NRXN3: variants seen among roughly 807,000 people sequenced by gnomAD.
NRXN3 encodes neurexin III.
A neutral mutation model predicts 137.6 loss-of-function variants in NRXN3; 32 were observed. That is an observed-to-expected ratio of 0.23 (90% CI 0.18 to 0.31). The LOEUF (loss-of-function observed/expected upper bound fraction) is 0.31, where lower values mean the gene tolerates loss of function less well. Ranked by LOEUF, NRXN3 falls within the 10% of genes least tolerant of loss-of-function variation. The pLI is 1.00. For missense variants in NRXN3, 1,574 were observed against 2,062.5 expected (o/e 0.76, Z 4.59); for synonymous variants, 798 against 784.5 (o/e 1.02, Z -0.29).
At chr14:78,733,501 G>A in intron 8 of NRXN3, among the ~76,000 whole-genome samples, 1 of 152,154 alleles carries the variant, frequency 6.6e-6, no homozygotes, top group East Asian at 1.9e-4. Context: ...CTAATGTCAA[G>A]GAATCAGTGA....
chr14:79,824,463 A>G (rs2099285604), intron 20 of NRXN3, among the ~76,000 whole-genome samples: 2 of 152,020 alleles, frequency 1.3e-5, no homozygotes, highest in South Asian at 4.1e-4. Flanking sequence ...GAGATCTTTC[A>G]GCAGATGTTG....
At position 79,386,233 on chromosome 14, in the gene NRXN3, G is replaced by A. The variant is rs140338203; in HGVS notation, c.3263-80988G>A. 6.4e-3 allele frequency among the ~76,000 whole-genome samples: 980 copies of A among 152,208 alleles called. 7 individuals carry two copies. Among genetic ancestry groups the A allele is most frequent in the Non-Finnish European group, 9.9e-3 (676 of 68,032 alleles). On this transcript the variant is annotated intron_variant, in intron 15 of 20. Coordinates refer to ENST00000335750, the MANE Select transcript of NRXN3 (RefSeq NM_001330195.2). ...TCATCTCAGCCCAAAATCTCCTTAC[G>A]CTGAGAGGCAACTTCAGCAAAGTCT...
At chr14:78,515,588 T>C (rs1343238098) in intron 4 of NRXN3, among the ~76,000 whole-genome samples, 1 of 152,094 alleles carries the variant, frequency 6.6e-6, no homozygotes, top group Non-Finnish European at 1.5e-5. Flanking sequence ...CCTTTTGCCT[T>C]ATACAACCTG....
chr14:78,438,534 G>C (rs1274181702), intron 4 of NRXN3, among the ~76,000 whole-genome samples: 1 of 151,582 alleles, frequency 6.6e-6, no homozygotes, highest in Non-Finnish European at 1.5e-5. Context: ...TCTAATAACT[G>C]CCCAATCACA....
At chr14:79,076,632 A>G (rs2046021723) in intron 15 of NRXN3, among the ~76,000 whole-genome samples, 1 of 152,178 alleles carries the variant, frequency 6.6e-6, no homozygotes, top group South Asian at 2.1e-4. Flanking sequence ...CTTGAAAGTG[A>G]CATCCTGTCA....
intron 1 of NRXN3, among the ~76,000 whole-genome samples, chr14:78,172,278 G>A (rs2058795987): frequency 6.6e-6 from 1 of 152,136 alleles, no homozygotes; most frequent in Non-Finnish European, 1.5e-5. Context: ...AGGTTAGTCT[G>A]GGGAGGCTGG....
chr14:79,687,496 C>CT (rs1451627911), intron 17 of NRXN3, among the ~76,000 whole-genome samples: 1 of 152,192 alleles, frequency 6.6e-6, no homozygotes, highest in Admixed American at 6.5e-5. Context: ...TTGCCTCTGA[C>CT]TTTAATACAT....
At chr14:79,114,412 G>A (rs181589985) in intron 15 of NRXN3, among the ~76,000 whole-genome samples, 2 of 152,220 alleles carry the variant, frequency 1.3e-5, no homozygotes, top group Admixed American at 1.3e-4. Flanking sequence ...CTAGGCTAGA[G>A]TGCAGTAGCA....
At position 78,645,275 on chromosome 14, in the gene NRXN3, T is replaced by C; in HGVS notation, c.913T>C (p.Tyr305His). The change falls in exon 5 of 21, where the codon TAT becomes CAT. Residue 305 changes from tyrosine to histidine, a missense_variant. By Grantham distance (83) the Tyr-to-His change is moderately conservative. Coordinates refer to ENST00000335750, the MANE Select transcript of NRXN3 (RefSeq NM_001330195.2). ...CCTGCACACGGGCAAGTCGGCTGAC[T>C]ATGTCAACCTGGCTCTGAAGGATGG... ...LILHTGKSAD[Y>H]VNLALKDGAV... The C allele has an allele frequency of 1.3e-6, 2 of 1,598,924 alleles. No individual in the cohort carries two copies. Among genetic ancestry groups the C allele is most frequent in the Non-Finnish European group, 1.7e-6 (2 of 1,179,810 alleles).
At chr14:78,978,853 C>G (rs1196344639) in intron 14 of NRXN3, among the ~76,000 whole-genome samples, 4 of 151,034 alleles carry the variant, frequency 2.6e-5, no homozygotes, top group Non-Finnish European at 5.9e-5. Flanking sequence ...ACTCCACAGT[C>G]CGCTGTCTGT....
At chr14:79,849,343 G>A (rs1487767223) in intron 20 of NRXN3, among the ~76,000 whole-genome samples, 2 of 152,072 alleles carry the variant, frequency 1.3e-5, no homozygotes, top group Non-Finnish European at 2.9e-5. Flanking sequence ...AAACATATTT[G>A]CAAACCATAT....
chr14:78,459,864 T>C (rs2094869874), intron 4 of NRXN3, among the ~76,000 whole-genome samples: 1 of 152,182 alleles, frequency 6.6e-6, no homozygotes. Flanking sequence ...AATCAGATTC[T>C]GACACTGTCT....
chr14:79,257,563 T>TGGTGGTGGTGGTGGTGGTGATGGTGGC (rs1568820430), intron 15 of NRXN3, among the ~76,000 whole-genome samples: 1 of 124,770 alleles, frequency 8.0e-6, no homozygotes, highest in African/African-American at 3.5e-5. Context: ...GTGGTGATGG[T>TGGTGGTGGTGGTGGTGGTGATGGTGGC]GGTGGTGGTG....
chr14:78,760,328 C>A (rs1039195274), intron 8 of NRXN3, among the ~76,000 whole-genome samples: 1 of 151,098 alleles, frequency 6.6e-6, no homozygotes, highest in African/African-American at 2.4e-5. Flanking sequence ...AGGTGTAAGC[C>A]ACTGCGCCCC....
chr14:78,478,914 CT>C (rs1291325758), intron 4 of NRXN3, among the ~76,000 whole-genome samples: 2 of 152,164 alleles, frequency 1.3e-5, no homozygotes, highest in African/African-American at 4.8e-5. Context: ...AGATGTGTCT[CT>C]TTTTTTTCCA....
chr14:78,649,584 T>C (rs2097720313), intron 5 of NRXN3, among the ~76,000 whole-genome samples: 1 of 148,450 alleles, frequency 6.7e-6, no homozygotes, highest in African/African-American at 2.5e-5. Flanking sequence ...TTTTTTTAAA[T>C]CTCTATTTGG....
At chr14:78,278,800 A>G in intron 3 of NRXN3, 138 bp downstream of exon 3, 3 of 708,568 alleles carry the variant, frequency 4.2e-6, no homozygotes, top group South Asian at 1.7e-5. Flanking sequence ...TTAGAAGAAG[A>G]AATGCATTGA....
intron 10 of NRXN3, among the ~76,000 whole-genome samples, chr14:78,882,735 T>A (rs2099132704): frequency 6.6e-6 from 1 of 151,534 alleles, no homozygotes; most frequent in African/African-American, 2.4e-5. Flanking sequence ...GACTTTTGAG[T>A]TAATGCTGGA....
chr14:79,422,424 C>T (rs1157031467), intron 15 of NRXN3, among the ~76,000 whole-genome samples: 1 of 152,138 alleles, frequency 6.6e-6, no homozygotes, highest in Non-Finnish European at 1.5e-5. Context: ...TAGTGAACCA[C>T]ATTTTGATGT....
Sources: allele counts gnomAD v4.1 joint callset (sites outside exome capture counted in the v4.1 genomes callset), GRCh38; gene constraint gnomAD v4.1.1; transcripts MANE v1.5; gene names NCBI Gene and HGNC (gene_info 2026-07-23, HGNC 2026-07-21).